PDE4D: variants seen among roughly 807,000 people sequenced by gnomAD.
The protein encoded by PDE4D is 3',5'-cyclic-AMP phosphodiesterase 4D.
PDE4D carries 24 observed loss-of-function variants against 87.4 expected under a neutral mutation model. The observed-to-expected ratio is 0.27, with a 90% CI of 0.20 to 0.39. The LOEUF (loss-of-function observed/expected upper bound fraction) is 0.39, where lower values mean the gene tolerates loss of function less well. Among genes scored for constraint, PDE4D ranks in the 10% least tolerant of loss-of-function variants. PDE4D has a pLI of 1.00. For synonymous variants in PDE4D, 384 were observed against 383.2 expected (o/e 1.00, Z -0.02); for missense variants, 714 against 1,041.0 (o/e 0.69, Z 4.32).
At chr5:59,832,646 C>T (rs1288947094) in intron 1 of PDE4D, among the ~76,000 whole-genome samples, 1 of 151,874 alleles carries the variant, frequency 6.6e-6, no homozygotes, top group Non-Finnish European at 1.5e-5. Flanking sequence ...ACAAAATAGC[C>T]CTGAGATCTC....
At chr5:60,350,517 CA>C (rs949579652) in intron 1 of PDE4D, among the ~76,000 whole-genome samples, 7 of 152,068 alleles carry the variant, frequency 4.6e-5, no homozygotes, top group African/African-American at 1.7e-4. Flanking sequence ...TACAGGTATT[CA>C]GCAGGTTACA....
At chr5:59,699,169 T>TA (rs1209367362) in intron 1 of PDE4D, among the ~76,000 whole-genome samples, 2 of 152,120 alleles carry the variant, frequency 1.3e-5, no homozygotes, top group Admixed American at 1.3e-4. Flanking sequence ...ATAATTCTGT[T>TA]AAAAAATTAT....
chr5:60,104,065 C>T (rs1418446542), intron 2 of PDE4D, among the ~76,000 whole-genome samples: 1 of 152,184 alleles, frequency 6.6e-6, no homozygotes, highest in Non-Finnish European at 1.5e-5. Context: ...GGCATTGCCT[C>T]ACTTGGGAAG....
intron 1 of PDE4D, among the ~76,000 whole-genome samples, chr5:59,525,529 ATTGAG>A (rs368505981): frequency 3.3e-3 from 510 of 152,308 alleles, no homozygotes; most frequent in African/African-American, 0.012. Flanking sequence ...GACTTGGACT[ATTGAG>A]TTAACGCTGA....
intron 1 of PDE4D, among the ~76,000 whole-genome samples, chr5:59,307,516 A>G (rs933780365): frequency 6.6e-6 from 1 of 152,222 alleles, no homozygotes; most frequent in African/African-American, 2.4e-5. Context: ...ATTCACAAGA[A>G]AAAAACAAAC....
chr5:59,893,169 G>A lies in PDE4D; in HGVS notation c.454C>T (p.Arg152Cys). The A allele has an allele frequency of 6.4e-7, 1 of 1,558,026 alleles. No homozygotes were observed. The highest frequency in any genetic ancestry group is 8.7e-7 in the Non-Finnish European group (1 of 1,151,058). The part of the protein sequence containing the change: ...SWPSSFQGLR[R>C]FDVDNGTSAG... Reference sequence around the variant, plus strand: ...GGGGAGGGGGCGCTCTCCACTCACCGCCTGAGTCCCTGGAACGAGGAGGGC... The same window carrying A: ...GGGGAGGGGGCGCTCTCCACTCACCACCTGAGTCCCTGGAACGAGGAGGGC... The change falls in exon 1 of 15, where the codon CGT becomes TGT. Residue 152 changes from arginine to cysteine, a missense_variant and splice_region_variant. Arg to Cys is a radical substitution (Grantham distance 180). Transcript: ENST00000340635.
intron 2 of PDE4D, among the ~76,000 whole-genome samples, chr5:60,055,786 CTCTTA>C (rs1406100166): frequency 6.6e-6 from 1 of 152,038 alleles, no homozygotes; most frequent in East Asian, 1.9e-4. Flanking sequence ...AGAGCCTATG[CTCTTA>C]ACCACTACCA....
chr5:59,447,067 A>G (rs1171149024), intron 1 of PDE4D, among the ~76,000 whole-genome samples: 2 of 152,208 alleles, frequency 1.3e-5, no homozygotes, highest in Non-Finnish European at 2.9e-5. Flanking sequence ...TGTGGGTGCT[A>G]CATCTGCAGT....
intron 1 of PDE4D, among the ~76,000 whole-genome samples, chr5:60,239,451 T>G (rs1746822941): frequency 6.6e-6 from 1 of 152,138 alleles, no homozygotes; most frequent in Admixed American, 6.6e-5. Flanking sequence ...ATTGATCAGA[T>G]TGTCAAGTTC....
At chr5:60,370,662 T>G (rs982176953) in intron 1 of PDE4D, among the ~76,000 whole-genome samples, 3 of 152,182 alleles carry the variant, frequency 2.0e-5, no homozygotes, top group Non-Finnish European at 4.4e-5. Flanking sequence ...TTTTAACCTT[T>G]GATTCATGAG....
At chr5:60,332,102 A>G (rs1006874480) in intron 1 of PDE4D, among the ~76,000 whole-genome samples, 13 of 152,268 alleles carry the variant, frequency 8.5e-5, no homozygotes, top group East Asian at 1.9e-4. Context: ...ACTATTAAAC[A>G]TACTTTGTAT....
At chr5:59,534,222 CA>C (rs1320789362) in intron 1 of PDE4D, among the ~76,000 whole-genome samples, 1 of 151,802 alleles carries the variant, frequency 6.6e-6, no homozygotes, top group East Asian at 1.9e-4. Flanking sequence ...ATTGGCAACC[CA>C]AAAAAAGCAA....
intron 2 of PDE4D, among the ~76,000 whole-genome samples, chr5:60,128,389 T>C (rs1224520701): frequency 6.6e-6 from 1 of 151,968 alleles, no homozygotes; most frequent in Non-Finnish European, 1.5e-5. Context: ...CCTGGGCCCA[T>C]AGCTAGACCA....
chr5:59,384,277 T>C (rs1270202679), intron 1 of PDE4D, among the ~76,000 whole-genome samples: 1 of 152,188 alleles, frequency 6.6e-6, no homozygotes, highest in South Asian at 2.1e-4. Context: ...GCTCTCTCTT[T>C]GTAGCTCTCC....
chr5:59,014,100 T>C (rs1231720182), intron 6 of PDE4D, among the ~76,000 whole-genome samples: 1 of 152,170 alleles, frequency 6.6e-6, no homozygotes, highest in East Asian at 1.9e-4. Flanking sequence ...TCAACAGGAC[T>C]TCATGCTAAA....
rs142369333 is a variant in PDE4D at position 59,320,683 on chromosome 5, A to C, written c.456-104715T>G. 1.0e-3 allele frequency among the ~76,000 whole-genome samples: 158 copies of C among 152,270 alleles called. 2 individuals are homozygous for C. The East Asian group carries it at 0.027, about 26-fold the overall frequency. On this transcript the variant is annotated intron_variant, in intron 1 of 14. Coordinates refer to ENST00000340635, the MANE Select transcript of PDE4D (RefSeq NM_001104631.2). The stretch of plus-strand genomic sequence containing the variant: ...CATTAATATATGACAAGATTGAAAA[A>C]AGTTATATAAAATCTGATTGAGGGC...
At chr5:59,930,241 A>G (rs1182197131) in intron 3 of PDE4D, among the ~76,000 whole-genome samples, 2 of 151,926 alleles carry the variant, frequency 1.3e-5, no homozygotes, top group Non-Finnish European at 2.9e-5. Context: ...ACTTATTTGG[A>G]AAAAGGATCT....
intron 4 of PDE4D, among the ~76,000 whole-genome samples, chr5:59,183,922 T>C (rs1742292980): frequency 1.3e-5 from 2 of 152,038 alleles, no homozygotes; most frequent in Admixed American, 1.3e-4. Context: ...TTCAGGAGCA[T>C]CCCAACAGAC....
At chr5:60,012,702 C>T (rs1166891385) in intron 2 of PDE4D, among the ~76,000 whole-genome samples, 1 of 152,144 alleles carries the variant, frequency 6.6e-6, no homozygotes, top group Non-Finnish European at 1.5e-5. Context: ...CATAGCCTGA[C>T]AGTTTCTGTG....
Sources: gnomAD v4.1 joint callset for allele counts (sites outside exome capture counted in the v4.1 genomes callset) on GRCh38, gnomAD v4.1.1 for gene constraint, MANE v1.5 for transcripts, NCBI Gene and HGNC (gene_info 2026-07-23, HGNC 2026-07-21) for gene names.